The following FBXL13 variants were observed in gnomAD, a reference collection of about 807,000 sequenced individuals.
The protein encoded by FBXL13 is F-box and leucine-rich repeat protein 13.
FBXL13 carries 67 observed loss-of-function variants against 83.6 expected under a neutral mutation model. That is an observed-to-expected ratio of 0.80 (90% CI 0.66 to 0.98). The LOEUF (loss-of-function observed/expected upper bound fraction) is 0.98. Ranked by LOEUF, FBXL13 falls within the 50% of genes least tolerant of loss-of-function variation. FBXL13 has a pLI of 0.00. For missense variants in FBXL13, 822 were observed against 866.5 expected (o/e 0.95, Z 0.64); for synonymous variants, 272 against 299.5 (o/e 0.91, Z 0.95).
intron 5 of FBXL13, among the ~76,000 whole-genome samples, 175 bp from the exon 7 acceptor site, chr7:103,025,405 C>G (rs964461100): frequency 1.3e-5 from 2 of 151,590 alleles, no homozygotes; most frequent in Non-Finnish European, 2.9e-5. Context: ...TTCTCTAAAC[C>G]ACCGAAGTAT....
Position 102,848,328 on chromosome 7 carries a change from G to A in FBXL13, c.1719+6449C>T, listed in dbSNP as rs1473959810. Among the ~76,000 whole-genome samples the A allele has an allele frequency of 4.5e-5, 5 of 111,008 alleles. 2 individuals carry two copies. Among genetic ancestry groups the A allele is most frequent in the Non-Finnish European group, 8.6e-5 (5 of 57,890 alleles). The allele number at this position is 111,008 out of a possible 152,430, so 72.8% of individuals were successfully genotyped here. Reference sequence around the variant, plus strand: ...TCCCAGCACTTTGGGAGGCCGAGGCGGGCGGATCACGAGGTCAGGAGATCG... The same window carrying A: ...TCCCAGCACTTTGGGAGGCCGAGGCAGGCGGATCACGAGGTCAGGAGATCG... On this transcript the variant is annotated intron_variant, in intron 17 of 19. Transcript: ENST00000313221.
At chr7:102,836,189 A>C (rs1801946401) in intron 17 of FBXL13, among the ~76,000 whole-genome samples, 1 of 152,192 alleles carries the variant, frequency 6.6e-6, no homozygotes. Flanking sequence ...AGAGGTTTTA[A>C]ATTTAAAACT....
chr7:102,835,900 C>T (rs956600257), intron 17 of FBXL13, among the ~76,000 whole-genome samples: 9 of 152,160 alleles, frequency 5.9e-5, no homozygotes, highest in African/African-American at 1.9e-4. Flanking sequence ...TGAGCCACCG[C>T]GCCCGGCCCC....
chr7:102,915,426 A>G (rs1563084357), intron 10 of FBXL13, among the ~76,000 whole-genome samples: 2 of 152,002 alleles, frequency 1.3e-5, no homozygotes, highest in Non-Finnish European at 2.9e-5. Context: ...AATGAAATGG[A>G]TACTTATCTC....
intron 1 of FBXL13, among the ~76,000 whole-genome samples, chr7:103,069,397 T>C (rs1798715506): frequency 6.6e-6 from 1 of 152,216 alleles, no homozygotes; most frequent in African/African-American, 2.4e-5. Context: ...GATATTAAAG[T>C]TTACTTTTAA....
chr7:102,899,023 C>A (rs1431156415), intron 11 of FBXL13, among the ~76,000 whole-genome samples: 1 of 152,292 alleles, frequency 6.6e-6, no homozygotes, highest in East Asian at 1.9e-4. Context: ...TCAAGCGATT[C>A]TCCTGCCTCA....
chr7:102,872,805 TA>T (rs1411435861), intron 16 of FBXL13, among the ~76,000 whole-genome samples: 2 of 152,196 alleles, frequency 1.3e-5, no homozygotes, highest in African/African-American at 4.8e-5. Context: ...ATTATCACAT[TA>T]GTAAGCTATT....
At chr7:103,020,339 C>A (rs530147750) in intron 6 of FBXL13, among the ~76,000 whole-genome samples, 24 of 152,214 alleles carry the variant, frequency 1.6e-4, no homozygotes, top group African/African-American at 5.1e-4. Flanking sequence ...ATAATAAGAG[C>A]TATTTATGAC....
intron 6 of FBXL13, chr7:102,973,635 G>T (rs779157103): frequency 1.3e-6 from 1 of 766,186 alleles, no homozygotes; most frequent in African/African-American, 1.7e-5. Context: ...CGAAACCCGG[G>T]AGGGGCTCCG....
chr7:103,023,650 C>T (rs1057221241), intron 6 of FBXL13, among the ~76,000 whole-genome samples: 1 of 152,200 alleles, frequency 6.6e-6, no homozygotes, highest in African/African-American at 2.4e-5. Context: ...ATAAATCATT[C>T]TACCATAAAG....
At chr7:102,839,354 G>A (rs571883797) in intron 17 of FBXL13, among the ~76,000 whole-genome samples, 14 of 152,314 alleles carry the variant, frequency 9.2e-5, no homozygotes, top group African/African-American at 3.1e-4. Flanking sequence ...CTCAGAGACC[G>A]GTGCTGGTGC....
At chr7:103,030,540 T>TC (rs1794397788) in intron 2 of FBXL13, among the ~76,000 whole-genome samples, 1 of 152,212 alleles carries the variant, frequency 6.6e-6, no homozygotes, top group South Asian at 2.1e-4. Context: ...TTACAATTTT[T>TC]CAGTACTGTT....
chr7:102,973,507 C>T, intron 6 of FBXL13: 1 of 763,512 alleles, frequency 1.3e-6, no homozygotes, highest in Non-Finnish European at 2.4e-6. Context: ...CATTTTAGGC[C>T]TTAGCCTGCC....
In FBXL13 at chr7:102,896,527, C is replaced by T. The variant is rs142277374; in HGVS notation, c.1009-12215G>A. On this transcript the variant is annotated intron_variant, in intron 11 of 19. Transcript: ENST00000313221. ...CTAGACATGCTGTAATAAAGTACCACAAACTGGATGGCTTCAACAACAGAA... is the reference window on the plus strand; with the variant it reads ...CTAGACATGCTGTAATAAAGTACCATAAACTGGATGGCTTCAACAACAGAA... Among the ~76,000 whole-genome samples, 684 of 152,302 alleles carry T rather than the reference C, an allele frequency of 4.5e-3. 8 individuals carry two copies. Among genetic ancestry groups the T allele is most frequent in the African/African-American group, 0.015 (631 of 41,550 alleles).
intron 12 of FBXL13, among the ~76,000 whole-genome samples, 155 bp from the exon 14 acceptor site, chr7:102,883,840 T>C (rs558280367): frequency 6.9e-4 from 105 of 152,336 alleles, no homozygotes; most frequent in Non-Finnish European, 9.8e-4. Context: ...TACATTTTAA[T>C]ACACCTACAT....
At chr7:102,936,728 A>G (rs1820378029) in intron 8 of FBXL13, among the ~76,000 whole-genome samples, 1 of 152,232 alleles carries the variant, frequency 6.6e-6, no homozygotes, top group Non-Finnish European at 1.5e-5. Flanking sequence ...GGTGTAAATG[A>G]GAAAAGTAAA....
chr7:102,984,283 A>G (rs1828665812), intron 6 of FBXL13, among the ~76,000 whole-genome samples: 1 of 152,238 alleles, frequency 6.6e-6, no homozygotes, highest in Non-Finnish European at 1.5e-5. Flanking sequence ...CACCCTTGGT[A>G]CCAAAATCTG....
Position 102,914,320 on chromosome 7 carries a change from G to A in FBXL13, c.879-1105C>T, listed in dbSNP as rs1490521047. On this transcript the variant is annotated intron_variant, in intron 10 of 19. Coordinates refer to ENST00000313221, the Ensembl canonical transcript of FBXL13. ...ACTCCTGACCTCAGGTGATCCACCC[G>A]CCTTGGCCTCCCAAAGTGCTCGGAA... Among the ~76,000 whole-genome samples the A allele has an allele frequency of 5.9e-5, 9 of 152,296 alleles. No individual in the cohort carries two copies. In the South Asian group the frequency reaches 6.2e-4, roughly 11 times the overall value.
At chr7:103,016,687 C>A (rs368185875) in intron 6 of FBXL13, among the ~76,000 whole-genome samples, 150 of 152,304 alleles carry the variant, frequency 9.8e-4, no homozygotes, top group Non-Finnish European at 1.3e-3. Context: ...TATCCCGCGC[C>A]TGGCTCGGAG....
Sources: gnomAD v4.1 joint callset for allele counts (sites outside exome capture counted in the v4.1 genomes callset) on GRCh38, gnomAD v4.1.1 for gene constraint, MANE v1.5 for transcripts, NCBI Gene and HGNC (gene_info 2026-07-23, HGNC 2026-07-21) for gene names.